NEK1: variants seen among roughly 807,000 people sequenced by gnomAD.
The protein encoded by NEK1 is serine/threonine-protein kinase Nek1.
NEK1 carries 137 observed loss-of-function variants against 182.1 expected under a neutral mutation model. That is an observed-to-expected ratio of 0.75 (90% CI 0.65 to 0.87). The LOEUF is 0.87. Among genes scored for constraint, NEK1 ranks in the 40% least tolerant of loss-of-function variants. NEK1 has a pLI of 0.00. For missense variants in NEK1, 1,391 were observed against 1,494.4 expected (o/e 0.93, Z 1.14); for synonymous variants, 513 against 492.2 (o/e 1.04, Z -0.56).
At position 169,542,122 on chromosome 4, in the gene NEK1, C is replaced by T. The variant is rs569134416; in HGVS notation, c.1563-4211G>A. On this transcript the variant is annotated intron_variant, in intron 18 of 35. Transcript: ENST00000507142. ...TGCCATGGAGGTTTGCTGTATCCATCAACCTGTCATCTACATTAGGTGTTT... is the reference window on the plus strand; with the variant it reads ...TGCCATGGAGGTTTGCTGTATCCATTAACCTGTCATCTACATTAGGTGTTT... 7.2e-5 allele frequency among the ~76,000 whole-genome samples: 11 copies of T among 152,224 alleles called. No individual in the cohort carries two copies. The South Asian group carries it at 2.3e-3, about 32-fold the overall frequency.
intron 26 of NEK1, among the ~76,000 whole-genome samples, chr4:169,464,114 C>A (rs532267262): frequency 3.3e-5 from 5 of 152,268 alleles, no homozygotes; most frequent in African/African-American, 1.2e-4. Context: ...TCATTCCTGA[C>A]TGTGAGTTTA....
intron 18 of NEK1, among the ~76,000 whole-genome samples, chr4:169,548,310 A>C (rs1259406722): frequency 2.0e-5 from 3 of 152,228 alleles, no homozygotes; most frequent in Non-Finnish European, 4.4e-5. Flanking sequence ...AGAACAGCAA[A>C]GATTGCTGCC....
chr4:169,411,986 C>A (rs551555654), intron 31 of NEK1, among the ~76,000 whole-genome samples: 7 of 152,098 alleles, frequency 4.6e-5, no homozygotes, highest in Admixed American at 4.6e-4. Flanking sequence ...TCTTCACTAG[C>A]CTTGCTTCAA....
rs1360006841 is a variant in NEK1 at position 169,585,475 on chromosome 4, A to G, written c.681T>C (p.Tyr227=). ...SGSFPPVSLH[Y]SYDLRSLVSQ... is the part of the protein sequence containing the mutation. ...ACACCAAACTGCGGAGATCATAGGA[A>G]TAATGCAAAGACACAGGTGGAAAAG... The change falls in exon 10 of 36, where the codon TAT becomes TAC. Residue 227 remains tyrosine (Y), a synonymous_variant. Coordinates refer to ENST00000507142, the MANE Select transcript of NEK1 (RefSeq NM_001199397.3). 1.7e-5 allele frequency: 27 copies of G among 1,613,640 alleles called. No individual in the cohort carries two copies. The highest frequency in any genetic ancestry group is 2.1e-5 in the Non-Finnish European group (25 of 1,179,752).
intron 18 of NEK1, among the ~76,000 whole-genome samples, chr4:169,542,706 G>GTA (rs941456341): frequency 1.5e-4 from 23 of 151,072 alleles, no homozygotes; most frequent in African/African-American, 5.4e-4. Context: ...GTGTGAGATG[G>GTA]TATCTCATTG....
At chr4:169,496,927 T>C (rs1697951409) in intron 23 of NEK1, among the ~76,000 whole-genome samples, 1 of 152,222 alleles carries the variant, frequency 6.6e-6, no homozygotes, top group South Asian at 2.1e-4. Context: ...ATAAAATGCG[T>C]TAGGGAGGAT....
intron 2 of NEK1, among the ~76,000 whole-genome samples, chr4:169,604,859 C>T (rs2150149467): frequency 6.6e-6 from 1 of 152,190 alleles, no homozygotes; most frequent in South Asian, 2.1e-4. Context: ...AAGAAATAAA[C>T]CATTATTATA....
chr4:169,534,254 CA>C (rs1758111773), intron 19 of NEK1, among the ~76,000 whole-genome samples: 1 of 152,168 alleles, frequency 6.6e-6, no homozygotes, highest in African/African-American at 2.4e-5. Context: ...GGACAACAGA[CA>C]GCACAGGAGA....
chr4:169,560,455 G>A (rs1055267042), intron 16 of NEK1, among the ~76,000 whole-genome samples: 1 of 152,074 alleles, frequency 6.6e-6, no homozygotes. Context: ...AGCTATGAAG[G>A]AGTCTTATAT....
At chr4:169,478,298 T>A (rs1747345155) in intron 24 of NEK1, 1 of 151,988 alleles carries the variant, frequency 6.6e-6, no homozygotes, top group African/African-American at 2.4e-5. Context: ...AAATTAAAAA[T>A]TTGGTGGTCA....
At chr4:169,504,094 C>G (rs1261513742) in intron 23 of NEK1, among the ~76,000 whole-genome samples, 10 of 152,098 alleles carry the variant, frequency 6.6e-5, no homozygotes, top group Admixed American at 5.2e-4. Context: ...AAAAAGATGA[C>G]ATACAAATGG....
At chr4:169,442,542 A>G (rs935606995) in intron 27 of NEK1, among the ~76,000 whole-genome samples, 2 of 152,256 alleles carry the variant, frequency 1.3e-5, no homozygotes, top group African/African-American at 4.8e-5. Context: ...ATGAAAAGTA[A>G]GGAAACATGA....
intron 26 of NEK1, among the ~76,000 whole-genome samples, chr4:169,466,510 C>T (rs1744958036): frequency 6.6e-6 from 1 of 151,980 alleles, no homozygotes; most frequent in East Asian, 1.9e-4. Context: ...GGAGCAGCAT[C>T]ATTAAAGTAC....
chr4:169,418,677 T>G (rs950557668), intron 31 of NEK1, among the ~76,000 whole-genome samples: 1 of 151,962 alleles, frequency 6.6e-6, no homozygotes, highest in African/African-American at 2.4e-5. Flanking sequence ...TACATACTAA[T>G]AGAATTTATC....
chr4:169,561,233 A>C (rs1007274730), intron 16 of NEK1, among the ~76,000 whole-genome samples: 1 of 152,202 alleles, frequency 6.6e-6, no homozygotes, highest in African/African-American at 2.4e-5. Flanking sequence ...GACAGGAATA[A>C]TGTTATCATA....
intron 29 of NEK1, among the ~76,000 whole-genome samples, chr4:169,431,319 C>T (rs1488562174): frequency 6.6e-6 from 1 of 152,026 alleles, no homozygotes; most frequent in Admixed American, 6.6e-5. Context: ...GAGCAACATT[C>T]ATTAGATAAA....
At chr4:169,558,702 A>C (rs184851071) in intron 16 of NEK1, among the ~76,000 whole-genome samples, 1 of 152,342 alleles carries the variant, frequency 6.6e-6, no homozygotes, top group East Asian at 1.9e-4. Context: ...TGGAATATAT[A>C]ATTTTTCTAA....
chr4:169,497,341 T>A (rs948384395), intron 23 of NEK1, among the ~76,000 whole-genome samples: 12 of 152,116 alleles, frequency 7.9e-5, no homozygotes, highest in African/African-American at 2.9e-4. Context: ...TTTGTTGATC[T>A]TTTCAAAAAA....
At chr4:169,508,686 A>C in intron 20 of NEK1, 83 bp downstream of exon 20, 1 of 1,046,220 alleles carries the variant, frequency 9.6e-7, no homozygotes, top group Non-Finnish European at 1.3e-6. Context: ...ATAATTGTTA[A>C]GAATTTAAAC....
Sources: allele counts gnomAD v4.1 joint callset (sites outside exome capture counted in the v4.1 genomes callset), GRCh38; gene constraint gnomAD v4.1.1; transcripts MANE v1.5; gene names NCBI Gene and HGNC (gene_info 2026-07-23, HGNC 2026-07-21).